Variants in CTSF observed in about 807,000 individuals in gnomAD.
CTSF encodes the protein cathepsin F.
In CTSF, 65 loss-of-function variants were observed where a neutral mutation model predicts 63.5. The observed-to-expected ratio is 1.02, with a 90% CI of 0.84 to 1.26. The LOEUF is 1.26. Ranked by LOEUF, CTSF falls within the 50% of genes most tolerant of loss-of-function variation. CTSF has a pLI of 0.00. For synonymous variants in CTSF, 256 were observed against 258.1 expected (o/e 0.99, Z 0.08); for missense variants, 641 against 631.0 (o/e 1.02, Z -0.17).
At position 66,563,762 on chromosome 11, in the gene CTSF, G is replaced by C; in HGVS notation, c.*171C>G. 1.4e-6 allele frequency: 1 copy of C among 731,008 alleles called. No individual in the cohort carries two copies. The highest frequency in any genetic ancestry group is 2.2e-6 in the Non-Finnish European group (1 of 451,064). The allele number at this position is 731,008 out of a possible 1,614,324, so 45.3% of individuals were successfully genotyped here. ...GGTGCAGAACTTCAGGGTGGGAATG[G>C]GGTGCAGGGAAGCAGGGGCTGTGCC... On this transcript the variant is annotated 3_prime_UTR_variant, in exon 13 of 13. Coordinates refer to ENST00000310325, the MANE Select transcript of CTSF (RefSeq NM_003793.4).
chr11:66,567,537 G>C lies in CTSF; in HGVS notation c.438C>G (p.Ala146=). The C allele has an allele frequency of 6.2e-7, 1 of 1,614,210 alleles. No individual in the cohort carries two copies. The highest frequency in any genetic ancestry group is 8.5e-7 in the Non-Finnish European group (1 of 1,180,044). The change falls in exon 3 of 13, where the codon GCC becomes GCG. Residue 146 remains alanine (A), a synonymous_variant. Transcript: ENST00000310325. ...GGTTTTGGGACAGAGAAGAAATCAT[G>C]GCTGAGCCCTGAGTGAAGGCTGACT... is the stretch of plus-strand genomic sequence containing the variant. ...EPKSAFTQGS[A]MISSLSQNHP...
Position 66,563,814 on chromosome 11 carries a change from G to T in CTSF, c.*119C>A. On this transcript the variant is annotated 3_prime_UTR_variant, in exon 13 of 13. Transcript: ENST00000310325. ...CAGCCCAGTGCCCTCTGCTCACCCT[G>T]AGGTACCCAGTGCCTTTCCCTCTGC... is the stretch of plus-strand genomic sequence containing the variant. 3.1e-6 allele frequency: 4 copies of T among 1,273,448 alleles called. No homozygotes were observed. In the South Asian group the frequency reaches 4.0e-5, roughly 13 times the overall value. The allele number at this position is 1,273,448 out of a possible 1,614,324, so 78.9% of individuals were successfully genotyped here.
rs1391200157 is a variant in CTSF, at chr11:66,567,327, T to G, written c.532-6A>C. 2 of 1,614,146 alleles carry G rather than the reference T, an allele frequency of 1.2e-6. No individual in the cohort carries two copies. Among genetic ancestry groups the G allele is most frequent in the African/African-American group, 1.3e-5 (1 of 75,026 alleles). On this transcript the variant is annotated splice_polypyrimidine_tract_variant and splice_region_variant and intron_variant, in intron 3 of 12. Transcript: ENST00000310325. ...GCCATCTTCACAGGCAAGTCCTGGA[T>G]AGGCAGACCAGTCTTTAGGCTGACC...
intron 2 of CTSF, 127 bp downstream of exon 2, chr11:66,567,857 C>A: frequency 7.1e-7 from 1 of 1,403,154 alleles, no homozygotes; most frequent in Non-Finnish European, 9.6e-7. Context: ...GCCCTCGGGG[C>A]CTGGGAAGTG....
chr11:66,566,484 G>A, intron 4 of CTSF, 80 bp from the exon 5 acceptor site: 1 of 1,343,144 alleles, frequency 7.4e-7, no homozygotes, highest in Non-Finnish European at 1.0e-6. Context: ...GCAGGCAGGG[G>A]TTTCCCCGGG....
chr11:66,564,950 A>C lies in CTSF; in HGVS notation c.1102T>G (p.Phe368Val). 6.2e-7 allele frequency: 1 copy of C among 1,601,126 alleles called. No individual in the cohort carries two copies. The highest frequency in any genetic ancestry group is 8.5e-7 in the Non-Finnish European group (1 of 1,170,916). The part of the protein sequence containing the change: ...SYQGHMQSCN[F>V]SAEKAKVYIN... ...TAGACCTTGGCCTTCTCTGCTGAGA[A>C]GTTGCAGGACTGCATGTGACCCTGG... Residue 368 changes from phenylalanine to valine, a missense_variant, in exon 9 of 13, where the codon TTC (phenylalanine) becomes GTC (valine). Coordinates refer to ENST00000310325, the MANE Select transcript of CTSF (RefSeq NM_003793.4).
chr11:66,563,789 C>A lies in CTSF; in HGVS notation c.*144G>T. ...GTGCAGGGAAGCAGGGGCTGTGCCC[C>A]AGCCCAGTGCCCTCTGCTCACCCTG... On this transcript the variant is annotated 3_prime_UTR_variant, in exon 13 of 13. Coordinates refer to ENST00000310325, the MANE Select transcript of CTSF (RefSeq NM_003793.4). The A allele has an allele frequency of 2.0e-6, 2 of 981,436 alleles. No individual in the cohort carries two copies. Among genetic ancestry groups the A allele is most frequent in the Admixed American group, 2.3e-5 (1 of 42,978 alleles). The allele number at this position is 981,436 out of a possible 1,614,324, so 60.8% of individuals were successfully genotyped here. A position where few individuals can be genotyped will look rare whatever the true frequency, so the allele number is the denominator to read the frequency against.
Position 66,568,410 on chromosome 11 carries a change from G to A in CTSF, c.77C>T (p.Ala26Val). 4 of 1,333,822 alleles carry A rather than the reference G, an allele frequency of 3.0e-6. No individual in the cohort carries two copies. The highest frequency in any genetic ancestry group is 1.9e-6 in the Non-Finnish European group (2 of 1,051,086). 82.6% of individuals were successfully genotyped at this position (1,333,822 alleles called of 1,614,324 possible). Residue 26 changes from alanine (A) to valine (V), a missense_variant, in exon 1 of 13, where the codon GCC becomes GTC. Physicochemically the swap from Ala to Val is moderately conservative, Grantham distance 64. Coordinates refer to ENST00000310325, the MANE Select transcript of CTSF (RefSeq NM_003793.4). ...CGGCCCCCAGGCCTGAAAGCTGGCG[G>A]CTCGGGGCTGGGCGGGGGCGGCCAC... Reference protein sequence around the residue: ...GAVAAPAQPRAASFQAWGPPS... With the variant: ...GAVAAPAQPRVASFQAWGPPS...
intron 11 of CTSF, 92 bp downstream of exon 11, chr11:66,564,466 T>C (rs1487560625): frequency 3.4e-6 from 4 of 1,165,948 alleles, no homozygotes; most frequent in Non-Finnish European, 3.6e-6. Context: ...TTCCTAGGCA[T>C]TCCCCCTATT....
Position 66,565,657 on chromosome 11 carries a change from C to A in CTSF, c.1045+14G>T, listed in dbSNP as rs1388002132. ...GTGGCTCCGGTTGCCCCTCCTGACC[C>A]CATTAATGCATACCCAAATTCTTTA... On this transcript the variant is annotated intron_variant, in intron 8 of 12. Transcript: ENST00000310325. The A allele has an allele frequency of 6.2e-7, 1 of 1,613,162 alleles. No homozygotes were observed. Among genetic ancestry groups the A allele is most frequent in the Admixed American group, 1.7e-5 (1 of 60,032 alleles).
chr11:66,567,495 GTT>G lies in CTSF; in HGVS notation c.478_479del (p.Asn160ArgfsTer12). Reference sequence around the variant, plus strand: ...GGGAAATGACTGAGCTGAAAGTCTCGTTTCTGTTGTCTGGATGGTTTTGGGAC... The same window carrying G: ...GGGAAATGACTGAGCTGAAAGTCTCGTCTGTTGTCTGGATGGTTTTGGGAC... ...SLSQNHPDNR[N>X]ETFSSVISLL... On this transcript the variant is annotated frameshift_variant, in exon 3 of 13. Coordinates refer to ENST00000310325, the MANE Select transcript of CTSF (RefSeq NM_003793.4). LOFTEE classifies it high-confidence loss of function. 1 of 1,614,166 alleles carries G rather than the reference GTT, an allele frequency of 6.2e-7. No homozygotes were observed. The highest frequency in any genetic ancestry group is 1.7e-5 in the Admixed American group (1 of 60,030).
Position 66,568,000 on chromosome 11 carries a change from A to T in CTSF, c.296T>A (p.Val99Glu), listed in dbSNP as rs1162880396. The T allele has an allele frequency of 6.3e-7, 1 of 1,594,028 alleles. No individual in the cohort carries two copies. The highest frequency in any genetic ancestry group is 8.5e-7 in the Non-Finnish European group (1 of 1,171,948). The change falls in exon 2 of 13, where the codon GTG becomes GAG. Residue 99 changes from valine to glutamate, a missense_variant. Physicochemically the swap from Val to Glu is moderately radical, Grantham distance 121 (BLOSUM62 -2). Coordinates refer to ENST00000310325, the MANE Select transcript of CTSF (RefSeq NM_003793.4). ...ATCACTCACCAGGGTTTTCTTGGAC[A>T]CGGGGAGCCGGCACACCATGGGGTC... ...CNDPMVCRLP[V>E]SKKTLLCSFQ...
At position 66,566,045 on chromosome 11, in the gene CTSF, C is replaced by G. The variant is rs1427573605; in HGVS notation, c.844G>C (p.Ala282Pro). ...PPEWDWRSKG[A>P]VTKVKDQGMC... Reference sequence around the variant, plus strand: ...ACCTGGTCTTTGACTTTTGTGACAGCCCCCTTACTCCTCCAGTCCCATTCA... The same window carrying G: ...ACCTGGTCTTTGACTTTTGTGACAGGCCCCTTACTCCTCCAGTCCCATTCA... Residue 282 changes from alanine to proline, a missense_variant, in exon 6 of 13, where the codon GCT (alanine) becomes CCT (proline). Physicochemically the swap from Ala to Pro is conservative, Grantham distance 27. Transcript: ENST00000310325. 1 of 1,614,052 alleles carries G rather than the reference C, an allele frequency of 6.2e-7. No homozygotes were observed. The highest frequency in any genetic ancestry group is 8.5e-7 in the Non-Finnish European group (1 of 1,180,036).
intron 8 of CTSF, 137 bp downstream of exon 8, chr11:66,565,534 G>A (rs1422853692): frequency 2.6e-5 from 33 of 1,247,482 alleles, no homozygotes; most frequent in South Asian, 4.0e-5. Flanking sequence ...GAGCCACCAC[G>A]CCTGGCTGGG....
At position 66,566,384 on chromosome 11, in the gene CTSF, C is replaced by T. The variant is rs180808563; in HGVS notation, c.628G>A (p.Val210Ile). The T allele has an allele frequency of 5.8e-5, 94 of 1,613,922 alleles. No individual in the cohort carries two copies. In the African/African-American group the frequency reaches 9.1e-4, roughly 16 times the overall value. Residue 210 changes from valine to isoleucine, a missense_variant, in exon 5 of 13, where the codon GTC becomes ATC. Val to Ile is a conservative substitution (Grantham distance 29). Transcript: ENST00000310325. ...SKEEARWRLS[V>I]FVNNMVRAQK... is the part of the protein sequence containing the mutation. ...GCTCGCACCATGTTATTGACAAAGA[C>T]GGACAGGCGCCACCGGGCTTCTGAG...
Position 66,567,972 on chromosome 11 carries a change from C to T in CTSF, c.312+12G>A. 1 of 1,584,944 alleles carries T rather than the reference C, an allele frequency of 6.3e-7. No homozygotes were observed. The highest frequency in any genetic ancestry group is 8.6e-7 in the Non-Finnish European group (1 of 1,167,566). ...CCTCGGGGCGGGGAACCCCAAGAGC[C>T]TCATCACTCACCAGGGTTTTCTTGG... On this transcript the variant is annotated intron_variant, in intron 2 of 12. Coordinates refer to ENST00000310325, the MANE Select transcript of CTSF (RefSeq NM_003793.4).
Position 66,564,621 on chromosome 11 carries a change from G to C in CTSF, c.1258C>G (p.Leu420Val), listed in dbSNP as rs1857885714. ...AGCCAAGGGCTGCAGAGGGGCCGGA[G>C]AGGGCGGGAGATCCCGTGGCGGTAA... ...QFYRHGISRP[L>V]RPLCSPWLID... Residue 420 changes from leucine (L) to valine (V), a missense_variant, in exon 11 of 13, where the codon CTC (leucine) becomes GTC (valine). Leu to Val is a conservative substitution (Grantham distance 32). Transcript: ENST00000310325. 6.2e-7 allele frequency: 1 copy of C among 1,606,446 alleles called. No homozygotes were observed. The highest frequency in any genetic ancestry group is 8.5e-7 in the Non-Finnish European group (1 of 1,176,618).
chr11:66,565,090 G>A, intron 8 of CTSF, 84 bp from the exon 9 acceptor site: 1 of 1,500,702 alleles, frequency 6.7e-7, no homozygotes, highest in Non-Finnish European at 8.9e-7. Context: ...CTCTACGCGA[G>A]GTTTCACATT....
intron 8 of CTSF, 104 bp from the exon 9 acceptor site, chr11:66,565,110 C>T: frequency 6.7e-7 from 1 of 1,485,806 alleles, no homozygotes; most frequent in Non-Finnish European, 8.9e-7. Context: ...TCCTCGTCCA[C>T]CCCAGGCCAC....
Sources: allele counts gnomAD v4.1 joint callset, GRCh38; gene constraint gnomAD v4.1.1; transcripts MANE v1.5; gene names NCBI Gene and HGNC (gene_info 2026-07-23, HGNC 2026-07-21).